MAP4: variants seen among roughly 807,000 people sequenced by gnomAD.
The protein encoded by MAP4 is microtubule associated protein 4.
In MAP4, 76 loss-of-function variants were observed where a neutral mutation model predicts 170.2. That is an observed-to-expected ratio of 0.45 (90% CI 0.37 to 0.54). MAP4 has a LOEUF of 0.54. Among genes scored for constraint, MAP4 ranks in the 20% least tolerant of loss-of-function variants. The pLI is 0.00. For missense variants in MAP4, 2,506 were observed against 2,748.0 expected (o/e 0.91, Z 1.97); for synonymous variants, 909 against 994.5 (o/e 0.91, Z 1.62).
Position 47,853,294 on chromosome 3 carries a change from G to A in MAP4, c.6755C>T (p.Pro2252Leu), listed in dbSNP as rs747014831. ...TTCAGGCGCTGCCTCAGAGATGGCC[G>A]GCTCCTCCCCAGCAGGGGGACCCGG... ...LCPGPPAGEEPAISEAAPEAG... is the reference protein window; with the variant it reads ...LCPGPPAGEELAISEAAPEAG... Residue 2252 changes from proline (P) to leucine (L), a missense_variant, in exon 20 of 21, where the codon CCG becomes CTG. Physicochemically the swap from Pro to Leu is moderately conservative, Grantham distance 98 (BLOSUM62 -3). Coordinates refer to ENST00000683076, the MANE Select transcript of MAP4 (RefSeq NM_001385682.1). 20 of 1,610,826 alleles carry A rather than the reference G, an allele frequency of 1.2e-5. No homozygotes were observed. The highest frequency in any genetic ancestry group is 1.1e-4 in the East Asian group (5 of 44,828).
At chr3:47,859,214 G>A (rs1164312295) in intron 17 of MAP4, among the ~76,000 whole-genome samples, 6 of 152,120 alleles carry the variant, frequency 3.9e-5, no homozygotes, top group Admixed American at 2.6e-4. Flanking sequence ...TCCTGTGAGC[G>A]GCCCCGCTGT....
chr3:48,000,292 C>T (rs192834050), intron 1 of MAP4, among the ~76,000 whole-genome samples: 1 of 147,228 alleles, frequency 6.8e-6, no homozygotes, highest in Non-Finnish European at 1.5e-5. Flanking sequence ...AAATGCAGGG[C>T]ATAATAGGAA....
intron 3 of MAP4, chr3:47,973,500 T>C: frequency 1.0e-6 from 1 of 985,362 alleles, no homozygotes; most frequent in Non-Finnish European, 1.2e-6. Context: ...AGAGCTAACA[T>C]ATACCAAATT....
chr3:48,004,371 T>C (rs2100101050), intron 1 of MAP4, among the ~76,000 whole-genome samples: 1 of 152,188 alleles, frequency 6.6e-6, no homozygotes, highest in African/African-American at 2.4e-5. Context: ...AGGTAAGGAC[T>C]TTAGTGACTC....
chr3:47,913,326 G>A (rs2100036905), intron 8 of MAP4, among the ~76,000 whole-genome samples: 1 of 152,066 alleles, frequency 6.6e-6, no homozygotes, highest in South Asian at 2.1e-4. Flanking sequence ...TGTAAATAGT[G>A]GATTTCATTC....
chr3:48,052,226 T>G (rs565164029), intron 1 of MAP4, among the ~76,000 whole-genome samples: 1 of 152,302 alleles, frequency 6.6e-6, no homozygotes, highest in East Asian at 1.9e-4. Flanking sequence ...TGGGTTTTTT[T>G]GTTTTTGTTT....
upstream of MAP4, among the ~76,000 whole-genome samples, chr3:48,021,082 A>C (rs1303119559): frequency 6.6e-6 from 1 of 152,218 alleles, no homozygotes; most frequent in Non-Finnish European, 1.5e-5. Context: ...CAATCTACCT[A>C]ATCCATTCAA....
intron 1 of MAP4, among the ~76,000 whole-genome samples, chr3:48,060,521 AAAATTCTGAT>A (rs2100134621): frequency 6.6e-6 from 1 of 152,214 alleles, no homozygotes; most frequent in Admixed American, 6.5e-5. Context: ...ACTGAAGTTA[AAAATTCTGAT>A]CTGCAAAATA....
chr3:47,913,517 G>A lies in MAP4; in HGVS notation c.2000-1096C>T, dbSNP rs139601058. Among the ~76,000 whole-genome samples, 3 of 152,262 alleles carry A rather than the reference G, an allele frequency of 2.0e-5. No homozygotes were observed. In the East Asian group the frequency reaches 5.8e-4, roughly 29 times the overall value. On this transcript the variant is annotated intron_variant, in intron 8 of 20. Transcript: ENST00000683076. Reference sequence around the variant, plus strand: ...TTATACTATTTTATTCAATTATTATGTAAATCTTGGGTTTCAGAGTTCATG... The same window carrying A: ...TTATACTATTTTATTCAATTATTATATAAATCTTGGGTTTCAGAGTTCATG...
intron 10 of MAP4, 21 bp from the exon 11 acceptor site, chr3:47,877,544 G>T: frequency 6.5e-7 from 1 of 1,531,498 alleles, no homozygotes; most frequent in Non-Finnish European, 9.0e-7. Flanking sequence ...AGGGTGAGTG[G>T]GAATTATGCT....
At chr3:48,022,130 T>C (rs981022040) in intron 1 of MAP4, among the ~76,000 whole-genome samples, 26 of 152,306 alleles carry the variant, frequency 1.7e-4, no homozygotes, top group African/African-American at 6.3e-4. Flanking sequence ...TGGTGCTGGG[T>C]CAACTGGATA....
intron 3 of MAP4, among the ~76,000 whole-genome samples, chr3:47,956,626 T>A (rs917158617): frequency 3.9e-5 from 6 of 152,204 alleles, no homozygotes; most frequent in Admixed American, 3.9e-4. Flanking sequence ...GGGAAAGATA[T>A]GCAGATGAAA....
intron 1 of MAP4, among the ~76,000 whole-genome samples, chr3:48,002,396 C>T (rs1232737696): frequency 6.6e-6 from 1 of 151,782 alleles, no homozygotes; most frequent in African/African-American, 2.4e-5. Flanking sequence ...CCTGCCTCTA[C>T]AAAAACTAAA....
At chr3:47,886,607 G>A (rs931477517) in intron 10 of MAP4, among the ~76,000 whole-genome samples, 1 of 152,138 alleles carries the variant, frequency 6.6e-6, no homozygotes, top group African/African-American at 2.4e-5. Context: ...CCAGCTATCA[G>A]GCAATTTCTA....
intron 6 of MAP4, among the ~76,000 whole-genome samples, chr3:47,918,274 G>C (rs896972539): frequency 2.0e-5 from 3 of 151,716 alleles, no homozygotes; most frequent in Non-Finnish European, 4.4e-5. Context: ...GTGAGCCACC[G>C]TGCCTAGACC....
At chr3:47,967,334 C>CA (rs902296049) in intron 3 of MAP4, among the ~76,000 whole-genome samples, 10 of 151,342 alleles carry the variant, frequency 6.6e-5, no homozygotes, top group African/African-American at 1.7e-4. Flanking sequence ...GACTCCGTCA[C>CA]AAAAAACAAA....
At chr3:48,060,751 A>C (rs571059522) in intron 1 of MAP4, among the ~76,000 whole-genome samples, 1 of 146,864 alleles carries the variant, frequency 6.8e-6, no homozygotes, top group South Asian at 2.2e-4. Context: ...CTGTCTCTAC[A>C]AAAAAAAAAA....
intron 10 of MAP4, among the ~76,000 whole-genome samples, chr3:47,894,600 G>A (rs201802153): frequency 6.6e-6 from 1 of 151,670 alleles, no homozygotes. Context: ...AAAAAAAAAA[G>A]AAAAAATATG....
chr3:47,892,610 C>T (rs2100024613), intron 10 of MAP4: 1 of 1,423,910 alleles, frequency 7.0e-7, no homozygotes, highest in African/African-American at 1.4e-5. Context: ...AAATTCATCT[C>T]TCCCTCAATG....
Sources: allele counts gnomAD v4.1 joint callset (sites outside exome capture counted in the v4.1 genomes callset), GRCh38; gene constraint gnomAD v4.1.1; transcripts MANE v1.5; gene names NCBI Gene and HGNC (gene_info 2026-07-23, HGNC 2026-07-21).